Variants in TMEM178B observed in about 807,000 individuals in gnomAD.
TMEM178B encodes the protein transmembrane protein 178B.
Under a neutral mutation model 31.0 loss-of-function variants are expected in TMEM178B, and 5 were observed. The ratio of observed to expected loss-of-function variants is 0.16; its 90% CI spans 0.08 to 0.34. The LOEUF (loss-of-function observed/expected upper bound fraction) is 0.34, where lower values mean the gene tolerates loss of function less well. Ranked by LOEUF, TMEM178B falls within the 10% of genes least tolerant of loss-of-function variation. TMEM178B has a pLI of 1.00. For missense variants in TMEM178B, 275 were observed against 400.3 expected (o/e 0.69, Z 2.67); for synonymous variants, 164 against 164.0 (o/e 1.00, Z 0.00).
rs929394718 is a variant in TMEM178B, at chr7:141,318,360, C to G, written c.496+105656C>G. On this transcript the variant is annotated intron_variant, in intron 2 of 3. Transcript: ENST00000565468. This position sits in a 1 kb window ranked among gnomAD's most constrained non-coding sequence, Gnocchi z 4.1. ...AAATCAATAATTGGGTGTTTTAATG[C>G]TACAAAGCTTGGTTGTTCACATATC... Among the ~76,000 whole-genome samples the G allele has an allele frequency of 2.6e-5, 4 of 152,208 alleles. No homozygotes were observed. Among genetic ancestry groups the G allele is most frequent in the African/African-American group, 9.7e-5 (4 of 41,438 alleles).
the TMEM178B span, among the ~76,000 whole-genome samples, chr7:141,486,436 C>T: frequency 6.6e-6 from 1 of 152,278 alleles, no homozygotes; most frequent in Admixed American, 6.5e-5. Context: ...ACCCTGTCTG[C>T]CCCCAGTGAG....
intron 2 of TMEM178B, among the ~76,000 whole-genome samples, chr7:141,249,992 TG>T (rs1797803155): frequency 1.3e-5 from 2 of 152,364 alleles, no homozygotes; most frequent in South Asian, 4.1e-4. Context: ...ATCGTAGAGA[TG>T]AATTCTTTTT....
intron 1 of TMEM178B, among the ~76,000 whole-genome samples, chr7:141,151,936 C>G (rs906822494): frequency 6.6e-6 from 1 of 152,136 alleles, no homozygotes; most frequent in Non-Finnish European, 1.5e-5. Flanking sequence ...CGGGTGCAGC[C>G]TGACACGTGA....
At chr7:141,099,805 T>C (rs1324447677) in intron 1 of TMEM178B, among the ~76,000 whole-genome samples, 2 of 151,242 alleles carry the variant, frequency 1.3e-5, no homozygotes, top group African/African-American at 4.9e-5. Context: ...CTTTGGAGCT[T>C]GTGTCTGTAA....
chr7:141,297,167 T>C (rs1459332178), intron 2 of TMEM178B: 1 of 152,218 alleles, frequency 6.6e-6, no homozygotes, highest in Non-Finnish European at 1.5e-5. Flanking sequence ...GGGCAGTGCC[T>C]GTGACCTGAG....
In TMEM178B at chr7:141,304,012, T is replaced by A. The variant is rs1017024767; in HGVS notation, c.496+91308T>A. 2.0e-5 allele frequency among the ~76,000 whole-genome samples: 3 copies of A among 152,200 alleles called. No individual in the cohort carries two copies. In the East Asian group the frequency reaches 5.8e-4, roughly 29 times the overall value. On this transcript the variant is annotated intron_variant, in intron 2 of 3. Transcript: ENST00000565468. ...GCCAGCAAATAGTAGAAACCAGATT[T>A]CAATCAATCAGGTTTTTGGATGTAA...
intron 1 of TMEM178B, among the ~76,000 whole-genome samples, chr7:141,106,645 C>G (rs1795152293): frequency 6.6e-6 from 1 of 152,232 alleles, no homozygotes; most frequent in Non-Finnish European, 1.5e-5. Flanking sequence ...ATTTGATAAA[C>G]ACATTTGTGT....
chr7:141,236,016 T>C (rs1269032719), intron 2 of TMEM178B, among the ~76,000 whole-genome samples: 2 of 152,154 alleles, frequency 1.3e-5, no homozygotes, highest in Non-Finnish European at 2.9e-5. Context: ...TAACAGGGAT[T>C]TTCTTCTCTC....
rs143298150 is a variant in TMEM178B at position 141,118,488 on chromosome 7, G to T, written c.382+43796G>T. 3.6e-4 allele frequency among the ~76,000 whole-genome samples: 55 copies of T among 152,348 alleles called. No homozygotes were observed. The East Asian group carries it at 0.01, about 28-fold the overall frequency. On this transcript the variant is annotated intron_variant, in intron 1 of 3. Transcript: ENST00000565468. The stretch of plus-strand genomic sequence containing the variant: ...GATGAAATGAGTGAGTATATGTGAA[G>T]TGTTTAGAATATCCAGCGTATAGTA...
chr7:141,425,029 T>C (rs60793177), intron 2 of TMEM178B, among the ~76,000 whole-genome samples: 233 of 152,314 alleles, frequency 1.5e-3, no homozygotes, highest in African/African-American at 5.3e-3. Flanking sequence ...AAAATCTCTT[T>C]GTCTCAATTT....
intron 2 of TMEM178B, among the ~76,000 whole-genome samples, chr7:141,434,509 A>G (rs1425767653): frequency 1.3e-5 from 2 of 152,168 alleles, no homozygotes; most frequent in Non-Finnish European, 2.9e-5. Context: ...TCAGTTTCAG[A>G]TATTTGTACA....
chr7:141,414,133 G>A lies in TMEM178B; in HGVS notation c.497-23475G>A, dbSNP rs1256192819. Among the ~76,000 whole-genome samples, 58 of 15,438 alleles carry A rather than the reference G, an allele frequency of 3.8e-3. 23 individuals carry two copies. The highest frequency in any genetic ancestry group is 0.036 in the African/African-American group (52 of 1,464). The allele number at this position is 15,438 out of a possible 152,430, so 10.1% of individuals were successfully genotyped here. On this transcript the variant is annotated intron_variant, in intron 2 of 3. Transcript: ENST00000565468. ...GGAGTCCCGCTGTTTAGCCCAGGCC[G>A]GATTGCAGTGGCGCAATCTCGGCTC...
chr7:141,466,228 A>G (rs1432026010), intron 3 of TMEM178B, among the ~76,000 whole-genome samples: 2 of 152,214 alleles, frequency 1.3e-5, no homozygotes, highest in Non-Finnish European at 2.9e-5. Flanking sequence ...GACAAGAGCT[A>G]ACAGAAGGAA....
At position 141,074,463 on chromosome 7, in the gene TMEM178B, C is replaced by T; in HGVS notation, c.153C>T (p.Val51=). The T allele has an allele frequency of 3.9e-6, 6 of 1,536,102 alleles. No homozygotes were observed. Among genetic ancestry groups the T allele is most frequent in the Non-Finnish European group, 5.2e-6 (6 of 1,146,868 alleles). Residue 51 remains valine (V), a synonymous_variant, in exon 1 of 4, where the codon GTC becomes GTT. Coordinates refer to ENST00000565468, the MANE Select transcript of TMEM178B (RefSeq NM_001195278.2). The surrounding 1 kb of genome is among the most constrained non-coding windows in gnomAD (Gnocchi z 5.1). ...DRCKAFNTRR[V]DPGFIYNNNN... ...GCAAGGCCTTCAACACCCGCCGGGTCGACCCCGGCTTCATTTACAACAATA... is the reference window on the plus strand; with the variant it reads ...GCAAGGCCTTCAACACCCGCCGGGTTGACCCCGGCTTCATTTACAACAATA...
At chr7:141,266,434 T>C (rs1251832881) in intron 2 of TMEM178B, among the ~76,000 whole-genome samples, 3 of 152,320 alleles carry the variant, frequency 2.0e-5, no homozygotes, top group East Asian at 1.9e-4. Flanking sequence ...GTGTAACTGC[T>C]TTCTCAACAG....
At position 141,253,725 on chromosome 7, in the gene TMEM178B, T is replaced by C. The variant is rs1797873758; in HGVS notation, c.496+41021T>C. Among the ~76,000 whole-genome samples the C allele has an allele frequency of 2.0e-5, 3 of 152,054 alleles. No individual in the cohort carries two copies. The South Asian group carries it at 6.2e-4, about 31-fold the overall frequency. On this transcript the variant is annotated intron_variant, in intron 2 of 3. Transcript: ENST00000565468. ...ACCACAGCGCCCGGCTAAATTTTGG[T>C]ATTTTTAGTAGAGACGGGGTTTCAC...
chr7:141,288,398 C>T (rs968875211), intron 2 of TMEM178B, among the ~76,000 whole-genome samples: 13 of 151,466 alleles, frequency 8.6e-5, no homozygotes, highest in Non-Finnish European at 1.8e-4. Flanking sequence ...CTTTATTCCT[C>T]ATCTGTTGCA....
rs1206016758 is a variant in TMEM178B, at chr7:141,171,579, A to T, written c.383-41012A>T. On this transcript the variant is annotated intron_variant, in intron 1 of 3. Transcript: ENST00000565468. This position sits in a 1 kb window ranked among gnomAD's most constrained non-coding sequence, Gnocchi z 4.3. ...GCCTATTATTTATTCTGAAGTGGGG[A>T]TGCACGACCACCTTGCCAGGCCTCG... is the stretch of plus-strand genomic sequence containing the variant. Among the ~76,000 whole-genome samples the T allele has an allele frequency of 6.6e-6, 1 of 152,054 alleles. No homozygotes were observed. The highest frequency in any genetic ancestry group is 1.9e-4 in the East Asian group (1 of 5,176).
intron 1 of TMEM178B, among the ~76,000 whole-genome samples, chr7:141,098,882 T>G (rs1795007456): frequency 6.6e-6 from 1 of 152,234 alleles, no homozygotes; most frequent in Non-Finnish European, 1.5e-5. Context: ...TCTTTGGGGC[T>G]TTGCCTTCAC....
Sources: allele counts gnomAD v4.1 joint callset (sites outside exome capture counted in the v4.1 genomes callset), GRCh38; gene constraint gnomAD v4.1.1; non-coding constraint Gnocchi (gnomAD v3.1); transcripts MANE v1.5; gene names NCBI Gene and HGNC (gene_info 2026-07-23, HGNC 2026-07-21).